P2RY8: variants seen among roughly 807,000 people sequenced by gnomAD.
P2RY8 encodes P2Y receptor family member 8, also known as S-geranylgeranyl-glutathione receptor P2RY8.
Under a neutral mutation model 10.0 loss-of-function variants are expected in P2RY8, and 6 were observed. The observed-to-expected ratio is 0.60, with a 90% confidence interval of 0.33 to 1.19. The LOEUF (loss-of-function observed/expected upper bound fraction) is 1.19, where lower values mean the gene tolerates loss of function less well. Ranked by LOEUF, P2RY8 falls within the 50% of genes most tolerant of loss-of-function variation. P2RY8 has a pLI of 0.04. For missense variants in P2RY8, 456 were observed against 542.0 expected, an observed-to-expected ratio of 0.84 and a Z score of 1.58; for synonymous variants, 276 against 252.5, an observed-to-expected ratio of 1.09 and a Z score of -0.88.
At chrX:1,518,976 T>C (rs2092371500) in intron 1 of P2RY8, among the ~76,000 whole-genome samples, 1 of 151,862 alleles carries the variant, frequency 6.6e-6, no homozygotes, top group Non-Finnish European at 1.5e-5. Flanking sequence ...CTCAGTATTT[T>C]CTCAGATCCC....
intron 1 of P2RY8, among the ~76,000 whole-genome samples, chrX:1,482,802 A>G (rs1271891223): frequency 6.6e-6 from 1 of 152,010 alleles, no homozygotes; most frequent in African/African-American, 2.4e-5. Context: ...AGGGACATGG[A>G]TGAAGCTCGA....
intron 1 of P2RY8, among the ~76,000 whole-genome samples, chrX:1,496,970 G>A (rs184984459): frequency 0.075 from 11,190 of 149,700 alleles, 572 homozygotes; most frequent in African/African-American, 0.14. Context: ...TGTAATCCCA[G>A]CACTTTGGGA....
intron 1 of P2RY8, among the ~76,000 whole-genome samples, chrX:1,491,408 A>G (rs2092048291): frequency 2.0e-5 from 3 of 152,356 alleles, no homozygotes; most frequent in South Asian, 4.1e-4. Context: ...ATGTGGAGGG[A>G]ATGAAGGAAT....
chrX:1,534,039 ATTT>A (rs2092503965), intron 1 of P2RY8, among the ~76,000 whole-genome samples: 1 of 127,006 alleles, frequency 7.9e-6, no homozygotes. Flanking sequence ...ATACTTATCT[ATTT>A]ATTATTTACA....
At chrX:1,479,803 A>C (rs1284922026) in intron 1 of P2RY8, among the ~76,000 whole-genome samples, 1 of 152,214 alleles carries the variant, frequency 6.6e-6, no homozygotes, top group Non-Finnish European at 1.5e-5. Flanking sequence ...TGTAAATGAA[A>C]GAGGAGACAT....
chrX:1,517,784 T>C (rs1241400150), intron 1 of P2RY8, among the ~76,000 whole-genome samples: 9 of 152,262 alleles, frequency 5.9e-5, no homozygotes, highest in South Asian at 2.1e-4. Flanking sequence ...GCCCCCAATA[T>C]TCTCCCTGGT....
chrX:1,497,221 CAA>C (rs555047911), intron 1 of P2RY8, among the ~76,000 whole-genome samples: 8 of 84,504 alleles, frequency 9.5e-5, no homozygotes, highest in East Asian at 3.2e-4. Context: ...GACTCCGTCT[CAA>C]AAAAAAAAAA....
In P2RY8 at chrX:1,465,391, C is replaced by T. The variant is rs1449996945; in HGVS notation, c.*88G>A. ...AGTGCCTGGGAGCAACGCAGCTGTTCTCCCTGAACCTCTGGCACCGTGGCC... is the reference window on the plus strand; with the variant it reads ...AGTGCCTGGGAGCAACGCAGCTGTTTTCCCTGAACCTCTGGCACCGTGGCC... On this transcript the variant is annotated 3_prime_UTR_variant, in exon 2 of 2. Transcript: ENST00000381297. The T allele has an allele frequency of 2.5e-5, 37 of 1,508,194 alleles. No homozygotes were observed. The East Asian group carries it at 3.6e-4, about 15-fold the overall frequency. 93.4% of individuals were successfully genotyped at this position (1,508,194 alleles called of 1,614,324 possible). A position where few individuals can be genotyped will look rare whatever the true frequency, so the allele number is the denominator to read the frequency against.
intron 1 of P2RY8, among the ~76,000 whole-genome samples, chrX:1,514,380 TTCCC>T (rs1432080757): frequency 1.0e-4 from 14 of 136,452 alleles, no homozygotes; most frequent in African/African-American, 3.8e-4. Context: ...TTCCTTTCCC[TTCCC>T]TCCCTTCCCT....
intron 1 of P2RY8, among the ~76,000 whole-genome samples, chrX:1,467,722 G>A (rs2091709095): frequency 6.6e-6 from 1 of 152,244 alleles, no homozygotes; most frequent in Non-Finnish European, 1.5e-5. Context: ...TGTTGCCCAG[G>A]CTGGAGGGCA....
chrX:1,474,945 G>A (rs1156933104), intron 1 of P2RY8, among the ~76,000 whole-genome samples: 1 of 147,060 alleles, frequency 6.8e-6, no homozygotes, highest in Non-Finnish European at 1.5e-5. Flanking sequence ...TGTTTAGGTG[G>A]TTGGACGTGT....
At chrX:1,496,483 C>A (rs1255096327) in intron 1 of P2RY8, among the ~76,000 whole-genome samples, 1 of 152,082 alleles carries the variant, frequency 6.6e-6, no homozygotes, top group East Asian at 1.9e-4. Context: ...CTCTCTCTCT[C>A]CGCTCAGTTC....
At chrX:1,536,863 C>A (rs1332522325) in intron 1 of P2RY8, 58 bp downstream of exon 1, 2 of 209,532 alleles carry the variant, frequency 9.5e-6, no homozygotes, top group East Asian at 1.4e-4. Context: ...CTCCCAGCGA[C>A]CCTGTCTTCT....
At chrX:1,516,687 T>G (rs1367786487) in intron 1 of P2RY8, among the ~76,000 whole-genome samples, 1 of 150,688 alleles carries the variant, frequency 6.6e-6, no homozygotes, top group African/African-American at 2.5e-5. Flanking sequence ...AATCAACGTT[T>G]GTTGTGTATA....
intron 1 of P2RY8, among the ~76,000 whole-genome samples, chrX:1,488,563 A>G (rs2092008361): frequency 6.6e-6 from 1 of 152,086 alleles, no homozygotes; most frequent in African/African-American, 2.4e-5. Context: ...TCAGCCCACC[A>G]TGGACCTGCC....
chrX:1,465,494 C>T lies in P2RY8; in HGVS notation c.1065G>A (p.Gln355=). The T allele has an allele frequency of 3.1e-6, 5 of 1,607,558 alleles. No individual in the cohort carries two copies. The Middle Eastern group carries it at 7.8e-4, about 252-fold the overall frequency. Reference sequence around the variant, plus strand: ...CCCCCGGGACTCAGAACACACTCTCCTGCCTCTGGAGGCCGGGCCTGGTGG... The same window carrying T: ...CCCCCGGGACTCAGAACACACTCTCTTGCCTCTGGAGGCCGGGCCTGGTGG... ...EGATRPGLQR[Q]ESVF is the part of the protein sequence containing the mutation. Residue 355 remains glutamine, a synonymous_variant, in exon 2 of 2, where the codon CAG becomes CAA. Coordinates refer to ENST00000381297, the MANE Select transcript of P2RY8 (RefSeq NM_178129.5).
chrX:1,509,747 ATCTG>A (rs1201165717), intron 1 of P2RY8, among the ~76,000 whole-genome samples: 12 of 107,986 alleles, frequency 1.1e-4, no homozygotes, highest in African/African-American at 1.5e-4. Context: ...CTATGTATCT[ATCTG>A]TCTATCTATC....
chrX:1,499,997 T>G (rs5989772), intron 1 of P2RY8, among the ~76,000 whole-genome samples: 1 of 100,830 alleles, frequency 9.9e-6, no homozygotes, highest in Non-Finnish European at 2.3e-5. Flanking sequence ...TAGCTGGGAC[T>G]ACAGGCGTGT....
intron 1 of P2RY8, among the ~76,000 whole-genome samples, chrX:1,524,370 CA>C (rs2092414417): frequency 6.8e-6 from 1 of 147,660 alleles, no homozygotes; most frequent in Non-Finnish European, 1.5e-5. Flanking sequence ...TCCATCCATC[CA>C]CTCATCCATC....
Sources: allele counts gnomAD v4.1 joint callset (sites outside exome capture counted in the v4.1 genomes callset), GRCh38; gene constraint gnomAD v4.1.1; transcripts MANE v1.5; gene names NCBI Gene and HGNC (gene_info 2026-07-23, HGNC 2026-07-21).